The following TRPM3 variants were observed in gnomAD, a reference collection of about 807,000 sequenced individuals.
TRPM3 encodes transient receptor potential cation channel subfamily M member 3.
A neutral mutation model predicts 181.2 loss-of-function variants in TRPM3; 77 were observed. The observed-to-expected ratio is 0.42, with a 90% CI of 0.35 to 0.51. TRPM3 has a LOEUF of 0.51. TRPM3 is among the 20% of genes least tolerant of loss of function. The pLI is 0.01. For synonymous variants in TRPM3, 745 were observed against 796.4 expected, an observed-to-expected ratio of 0.94 and a Z score of 1.09; for missense variants, 1,759 against 2,196.7, an observed-to-expected ratio of 0.80 and a Z score of 3.98.
At chr9:71,004,128 G>C (rs1343642091) in intron 1 of TRPM3, among the ~76,000 whole-genome samples, 1 of 152,214 alleles carries the variant, frequency 6.6e-6, no homozygotes, top group African/African-American at 2.4e-5. Flanking sequence ...AGTAACTGAT[G>C]TGCAGGGTAG....
chr9:71,194,336 G>A (rs747488852), intron 1 of TRPM3, among the ~76,000 whole-genome samples: 1 of 151,940 alleles, frequency 6.6e-6, no homozygotes, highest in Non-Finnish European at 1.5e-5. Flanking sequence ...CATAAACCCT[G>A]TTTCCTCTTC....
intron 1 of TRPM3, among the ~76,000 whole-genome samples, chr9:71,338,519 G>A (rs551026397): frequency 2.6e-5 from 4 of 152,138 alleles, no homozygotes; most frequent in African/African-American, 4.8e-5. Flanking sequence ...TTGATAAAAC[G>A]GAAAAGAACC....
At chr9:70,981,739 T>C (rs1473868237) in intron 1 of TRPM3, among the ~76,000 whole-genome samples, 1 of 152,216 alleles carries the variant, frequency 6.6e-6, no homozygotes, top group African/African-American at 2.4e-5. Context: ...TGCTAATAAC[T>C]ATTATCATGC....
chr9:70,912,611 T>C (rs971094850), intron 1 of TRPM3, among the ~76,000 whole-genome samples: 2 of 152,088 alleles, frequency 1.3e-5, no homozygotes, highest in South Asian at 2.1e-4. Context: ...ATCAAACATA[T>C]TTAGGAAAGG....
intron 1 of TRPM3, among the ~76,000 whole-genome samples, chr9:71,048,444 A>C (rs1039536016): frequency 2.6e-5 from 4 of 152,198 alleles, no homozygotes; most frequent in African/African-American, 9.7e-5. Flanking sequence ...CCTTGGAAAC[A>C]CTTGACTCAC....
chr9:70,869,425 A>G (rs1376477632), intron 1 of TRPM3, among the ~76,000 whole-genome samples: 1 of 151,252 alleles, frequency 6.6e-6, no homozygotes, highest in Non-Finnish European at 1.5e-5. Flanking sequence ...TGAAAGTTCA[A>G]CTTTGGAAAG....
chr9:71,076,608 T>C (rs1336079590), intron 1 of TRPM3, among the ~76,000 whole-genome samples: 1 of 152,162 alleles, frequency 6.6e-6, no homozygotes, highest in Non-Finnish European at 1.5e-5. Flanking sequence ...ATTGTACCTT[T>C]CCCTGCACCA....
intron 1 of TRPM3, among the ~76,000 whole-genome samples, chr9:71,164,226 C>G (rs754665377): frequency 2.3e-4 from 35 of 152,220 alleles, no homozygotes; most frequent in Non-Finnish European, 4.4e-4. Flanking sequence ...AATTTACCAA[C>G]CAATTCAATG....
intron 1 of TRPM3, among the ~76,000 whole-genome samples, chr9:71,350,917 T>A (rs1336112189): frequency 6.6e-6 from 1 of 152,200 alleles, no homozygotes; most frequent in African/African-American, 2.4e-5. Flanking sequence ...ATAAATACCC[T>A]GGCAATTAGG....
chr9:71,222,866 G>C (rs1336470951), intron 1 of TRPM3, among the ~76,000 whole-genome samples: 2 of 152,210 alleles, frequency 1.3e-5, no homozygotes, highest in Non-Finnish European at 2.9e-5. Context: ...CCTAGCCAGA[G>C]AGGAATTGCC....
chr9:71,115,297 C>T (rs1320163325), intron 1 of TRPM3, among the ~76,000 whole-genome samples: 1 of 152,080 alleles, frequency 6.6e-6, no homozygotes, highest in Non-Finnish European at 1.5e-5. Flanking sequence ...TTCCTGAACC[C>T]ACCACCTACC....
At chr9:71,377,269 C>T (rs1220930890) in intron 1 of TRPM3, among the ~76,000 whole-genome samples, 2 of 152,014 alleles carry the variant, frequency 1.3e-5, no homozygotes, top group East Asian at 3.8e-4. Context: ...AATATATGGA[C>T]TTTAAAAGCC....
chr9:70,623,062 G>A (rs2063870341), intron 14 of TRPM3, among the ~76,000 whole-genome samples: 1 of 151,972 alleles, frequency 6.6e-6, no homozygotes, highest in African/African-American at 2.4e-5. Flanking sequence ...AAAAAACTTT[G>A]TTAAATATAA....
At chr9:70,572,873 T>C (rs931548572) in intron 22 of TRPM3, among the ~76,000 whole-genome samples, 3 of 152,234 alleles carry the variant, frequency 2.0e-5, no homozygotes, top group Admixed American at 6.5e-5. Context: ...ATTTCTAAAA[T>C]TGCAGCATTT....
At chr9:70,852,438 G>A (rs2095266417) in intron 3 of TRPM3, among the ~76,000 whole-genome samples, 1 of 152,108 alleles carries the variant, frequency 6.6e-6, no homozygotes, top group Admixed American at 6.6e-5. Flanking sequence ...ATGGCTCTGT[G>A]TCTCTGTACT....
chr9:71,387,161 T>A (rs2092944546), intron 1 of TRPM3, among the ~76,000 whole-genome samples: 1 of 152,164 alleles, frequency 6.6e-6, no homozygotes, highest in African/African-American at 2.4e-5. Context: ...AAATTTAGAT[T>A]ATCTAAAAGG....
Position 70,860,408 on chromosome 9 carries a change from T to A in TRPM3, c.462+2500A>T, listed in dbSNP as rs114997566. ...TACCAACAGAAAATAGTTGCTCAGCTTTAACACCAGACAAGATTCTAAGTG... is the reference window on the plus strand; with the variant it reads ...TACCAACAGAAAATAGTTGCTCAGCATTAACACCAGACAAGATTCTAAGTG... On this transcript the variant is annotated intron_variant, in intron 3 of 25. Transcript: ENST00000677713. 2.7e-3 allele frequency among the ~76,000 whole-genome samples: 405 copies of A among 152,290 alleles called. 2 individuals carry two copies. Among genetic ancestry groups the A allele is most frequent in the African/African-American group, 8.9e-3 (371 of 41,566 alleles).
intron 1 of TRPM3, among the ~76,000 whole-genome samples, chr9:71,130,825 T>C (rs930164953): frequency 6.6e-6 from 1 of 152,186 alleles, no homozygotes; most frequent in Non-Finnish European, 1.5e-5. Flanking sequence ...TAATGTTCTG[T>C]AGTGCCTGAT....
chr9:70,778,888 G>A (rs774213407), intron 7 of TRPM3, among the ~76,000 whole-genome samples: 6 of 151,980 alleles, frequency 3.9e-5, no homozygotes, highest in Admixed American at 6.6e-5. Flanking sequence ...ACTACACTTC[G>A]GTTTCTAAAA....
Sources: allele counts gnomAD v4.1 joint callset (sites outside exome capture counted in the v4.1 genomes callset), GRCh38; gene constraint gnomAD v4.1.1; transcripts MANE v1.5; gene names NCBI Gene and HGNC (gene_info 2026-07-23, HGNC 2026-07-21).